The following CAPN5 variants were observed in gnomAD, a reference collection of about 807,000 sequenced individuals.
The protein encoded by CAPN5 is calpain-5.
Under a neutral mutation model 73.0 loss-of-function variants are expected in CAPN5, and 54 were observed. The observed-to-expected ratio is 0.74, with a 90% CI of 0.59 to 0.93. The LOEUF is 0.93. Among genes scored for constraint, CAPN5 ranks in the 40% least tolerant of loss-of-function variants. CAPN5 has a pLI of 0.00. For missense variants in CAPN5, 785 were observed against 882.9 expected (o/e 0.89, Z 1.41); for synonymous variants, 335 against 356.9 (o/e 0.94, Z 0.69).
intron 1 of CAPN5, chr11:77,073,066 G>T: frequency 7.8e-7 from 1 of 1,289,560 alleles, no homozygotes; most frequent in Non-Finnish European, 1.0e-6. Flanking sequence ...TCCTGCACAG[G>T]GACGCCCAGC....
At position 77,118,214 on chromosome 11, in the gene CAPN5, C is replaced by G; in HGVS notation, c.1029C>G (p.Ile343Met). Residue 343 changes from isoleucine to methionine, a missense_variant, in exon 8 of 13, where the codon ATC (isoleucine) becomes ATG (methionine). By Grantham distance (10) the Ile-to-Met change is conservative. Transcript: ENST00000648180. ...YFTDIIKCRV[I>M]NTSHLSIHKT... Reference sequence around the variant, plus strand: ...CGGACATCATCAAGTGCCGCGTGATCAACACATCCCACCTGAGCATCCACA... The same window carrying G: ...CGGACATCATCAAGTGCCGCGTGATGAACACATCCCACCTGAGCATCCACA... 6.2e-7 allele frequency: 1 copy of G among 1,614,166 alleles called. No individual in the cohort carries two copies.
At chr11:77,077,565 T>A (rs1423975500) in intron 1 of CAPN5, among the ~76,000 whole-genome samples, 1 of 151,912 alleles carries the variant, frequency 6.6e-6, no homozygotes, top group Non-Finnish European at 1.5e-5. Flanking sequence ...GTTTCGCTCT[T>A]GTCTCCCAGG....
chr11:77,077,593 G>T (rs1012407465), intron 1 of CAPN5, among the ~76,000 whole-genome samples: 1 of 151,148 alleles, frequency 6.6e-6, no homozygotes. Context: ...GCGGTGGCGC[G>T]ATCTCGGCTC....
rs961232028 is a variant in CAPN5 at position 77,084,792 on chromosome 11, C to T, written c.-35-60C>T. 25 of 1,458,456 alleles carry T rather than the reference C, an allele frequency of 1.7e-5. No homozygotes were observed. In the East Asian group the frequency reaches 3.5e-4, roughly 20 times the overall value. 90.3% of individuals were successfully genotyped at this position (1,458,456 alleles called of 1,614,324 possible). A position where few individuals can be genotyped will look rare whatever the true frequency, so the allele number is the denominator to read the frequency against. On this transcript the variant is annotated intron_variant, in intron 1 of 12. Transcript: ENST00000648180. Reference sequence around the variant, plus strand: ...CATGGGGCTGATGATGTCCGCTTCACAGGGCACATCAGGGACCCAGGGACT... The same window carrying T: ...CATGGGGCTGATGATGTCCGCTTCATAGGGCACATCAGGGACCCAGGGACT...
chr11:77,103,301 C>T (rs782638561), intron 3 of CAPN5: 1 of 1,611,572 alleles, frequency 6.2e-7, no homozygotes, highest in South Asian at 1.1e-5. Context: ...CCGCCAACCT[C>T]AAGGCCTCCG....
chr11:77,096,944 C>T (rs532725727), intron 3 of CAPN5, among the ~76,000 whole-genome samples: 1 of 152,282 alleles, frequency 6.6e-6, no homozygotes, highest in South Asian at 2.1e-4. Flanking sequence ...CTCCCACAGC[C>T]AGGCGCGGTG....
chr11:77,122,169 A>G, intron 11 of CAPN5, 120 bp downstream of exon 11: 1 of 601,740 alleles, frequency 1.7e-6, no homozygotes, highest in Non-Finnish European at 2.9e-6. Context: ...AGGCCTGGCC[A>G]TTTCTGGGGT....
chr11:77,110,861 T>C (rs1565274037), intron 3 of CAPN5, among the ~76,000 whole-genome samples: 1 of 152,226 alleles, frequency 6.6e-6, no homozygotes, highest in Non-Finnish European at 1.5e-5. Context: ...CTGAAGTCTG[T>C]ACACTCAGGT....
intron 1 of CAPN5, among the ~76,000 whole-genome samples, chr11:77,082,232 G>A (rs564012115): frequency 2.7e-4 from 41 of 152,244 alleles, no homozygotes; most frequent in Admixed American, 4.6e-4. Flanking sequence ...GTGGAGAATG[G>A]TGGGGATGAG....
Position 77,123,959 on chromosome 11 carries a change from G to A in CAPN5, c.*89G>A. The A allele has an allele frequency of 7.7e-7, 1 of 1,303,898 alleles. No individual in the cohort carries two copies. The highest frequency in any genetic ancestry group is 1.4e-5 in the South Asian group (1 of 73,616). 80.8% of individuals were successfully genotyped at this position (1,303,898 alleles called of 1,614,324 possible). On this transcript the variant is annotated 3_prime_UTR_variant, in exon 13 of 13. Transcript: ENST00000648180. Reference sequence around the variant, plus strand: ...AGTCTAGCCTGGGAGCCAGGATACTGGGGTCCTTTTCCCACTCTTCCACTG... The same window carrying A: ...AGTCTAGCCTGGGAGCCAGGATACTAGGGTCCTTTTCCCACTCTTCCACTG...
At chr11:77,084,545 G>A (rs1221267629) in intron 1 of CAPN5, among the ~76,000 whole-genome samples, 3 of 152,202 alleles carry the variant, frequency 2.0e-5, no homozygotes, top group Non-Finnish European at 4.4e-5. Flanking sequence ...CTGAGGAGGT[G>A]TAGGGAAGGC....
At chr11:77,118,627 T>C (rs1950491950) in intron 8 of CAPN5, among the ~76,000 whole-genome samples, 1 of 152,184 alleles carries the variant, frequency 6.6e-6, no homozygotes, top group South Asian at 2.1e-4. Flanking sequence ...CAGGGACACT[T>C]AGAGGCTGAG....
rs151286594 is a variant in CAPN5, at chr11:77,121,941, C to T, written c.1495C>T (p.Arg499Cys). Residue 499 changes from arginine (R) to cysteine (C), a missense_variant, in exon 11 of 13, where the codon CGC becomes TGC. Transcript: ENST00000648180. The stretch of plus-strand genomic sequence containing the variant: ...CCTGCCGCCCCATATCAGGGAGCTG[C>T]GCCTGGATGAGCCCCCACACACCTG... ...TDVPSNCREL[R>C]LDEPPHTCWS... 1.5e-3 allele frequency: 2,335 copies of T among 1,544,826 alleles called. No individual in the cohort carries two copies. Among genetic ancestry groups the T allele is most frequent in the Non-Finnish European group, 1.8e-3 (2,061 of 1,143,470 alleles).
chr11:77,088,197 A>C, intron 2 of CAPN5: 2 of 1,061,928 alleles, frequency 1.9e-6, no homozygotes, highest in Non-Finnish European at 2.6e-6. Flanking sequence ...AGGGGGACTA[A>C]TGAACAGACA....
At chr11:77,119,543 A>T (rs1950502841) in intron 9 of CAPN5, 2 of 199,348 alleles carry the variant, frequency 1.0e-5, no homozygotes, top group South Asian at 2.2e-4. Flanking sequence ...CCTGCATTGG[A>T]GGCCTTGCTG....
chr11:77,107,375 G>A (rs1194784722), intron 3 of CAPN5, among the ~76,000 whole-genome samples: 1 of 152,260 alleles, frequency 6.6e-6, no homozygotes. Flanking sequence ...GCTCCGCACT[G>A]GCCCTCTGGG....
chr11:77,070,371 GCCCTGCCCAGCCAGC>G (rs1458657655), intron 1 of CAPN5, among the ~76,000 whole-genome samples: 1 of 152,216 alleles, frequency 6.6e-6, no homozygotes, highest in Non-Finnish European at 1.5e-5. Context: ...TGACCCACCT[GCCCTGCCCAGCCAGC>G]CCCTGCTCAG....
intron 3 of CAPN5, among the ~76,000 whole-genome samples, chr11:77,105,343 A>G (rs1176078262): frequency 6.6e-6 from 1 of 151,794 alleles, no homozygotes; most frequent in Non-Finnish European, 1.5e-5. Context: ...TGGAATAATC[A>G]GGGGCTTCAC....
At chr11:77,070,954 A>G (rs999265341) in intron 1 of CAPN5, among the ~76,000 whole-genome samples, 4 of 152,214 alleles carry the variant, frequency 2.6e-5, no homozygotes, top group Non-Finnish European at 5.9e-5. Flanking sequence ...GCCCACCCAG[A>G]TAAGCCAAGA....
Sources: gnomAD v4.1 joint callset for allele counts (sites outside exome capture counted in the v4.1 genomes callset) on GRCh38, gnomAD v4.1.1 for gene constraint, MANE v1.5 for transcripts, NCBI Gene and HGNC (gene_info 2026-07-23, HGNC 2026-07-21) for gene names.